AGBL4: variants seen among roughly 807,000 people sequenced by gnomAD.
The protein encoded by AGBL4 is cytosolic carboxypeptidase 6.
Under a neutral mutation model 66.4 loss-of-function variants are expected in AGBL4, and 58 were observed. The ratio of observed to expected loss-of-function variants is 0.87; its 90% CI spans 0.71 to 1.09. The LOEUF (loss-of-function observed/expected upper bound fraction) is 1.09. AGBL4 is among the 50% of genes least tolerant of loss of function. The pLI, the probability that AGBL4 is intolerant of heterozygous loss-of-function variation, is 0.00. For missense variants in AGBL4, 579 were observed against 631.0 expected, an observed-to-expected ratio of 0.92 and a Z score of 0.88; for synonymous variants, 234 against 222.9, an observed-to-expected ratio of 1.05 and a Z score of -0.44.
intron 6 of AGBL4, among the ~76,000 whole-genome samples, chr1:48,814,945 G>A (rs1646140230): frequency 1.3e-5 from 2 of 152,104 alleles, no homozygotes; most frequent in Admixed American, 1.3e-4. Context: ...TCATGTAGTA[G>A]CTCTATTTGT....
chr1:48,830,181 G>A (rs925619883), intron 6 of AGBL4, among the ~76,000 whole-genome samples: 9 of 152,116 alleles, frequency 5.9e-5, no homozygotes, highest in African/African-American at 1.4e-4. Flanking sequence ...TTTTTGCTGC[G>A]CCTCAGTCGT....
intron 1 of AGBL4, among the ~76,000 whole-genome samples, chr1:49,894,009 G>C (rs1296166270): frequency 6.6e-6 from 1 of 152,192 alleles, no homozygotes; most frequent in Non-Finnish European, 1.5e-5. Context: ...CCCAGCACCA[G>C]ATGGCACAGC....
At chr1:49,703,663 A>G (rs1007209845) in intron 2 of AGBL4, among the ~76,000 whole-genome samples, 9 of 152,042 alleles carry the variant, frequency 5.9e-5, no homozygotes, top group African/African-American at 2.2e-4. Context: ...TCCGAGATCA[A>G]GCATGTAGGG....
chr1:48,699,247 G>A (rs1350691224), intron 6 of AGBL4, among the ~76,000 whole-genome samples: 1 of 152,172 alleles, frequency 6.6e-6, no homozygotes, highest in Admixed American at 6.5e-5. Context: ...GTGGTCTTAG[G>A]CATGATACAG....
chr1:49,671,993 C>A (rs907950147), intron 3 of AGBL4, among the ~76,000 whole-genome samples: 1 of 151,850 alleles, frequency 6.6e-6, no homozygotes, highest in African/African-American at 2.4e-5. Flanking sequence ...GGGTACACAC[C>A]CAGAGGAATA....
At chr1:49,398,641 G>A (rs1278036980) in intron 3 of AGBL4, among the ~76,000 whole-genome samples, 1 of 152,068 alleles carries the variant, frequency 6.6e-6, no homozygotes, top group Non-Finnish European at 1.5e-5. Context: ...AGTAAATAGT[G>A]CAACTTGCCA....
chr1:49,697,193 T>C, intron 3 of AGBL4, 120 bp downstream of exon 3: 1 of 1,169,542 alleles, frequency 8.6e-7, no homozygotes, highest in Non-Finnish European at 1.2e-6. Flanking sequence ...AACTGTATCA[T>C]TGCTGTGGAT....
intron 2 of AGBL4, among the ~76,000 whole-genome samples, chr1:49,815,014 T>G (rs1252436830): frequency 6.6e-6 from 1 of 152,184 alleles, no homozygotes; most frequent in Non-Finnish European, 1.5e-5. Flanking sequence ...TATCCCTTGT[T>G]ACAAACAATC....
At chr1:49,670,381 A>C (rs1445843578) in intron 3 of AGBL4, among the ~76,000 whole-genome samples, 1 of 152,200 alleles carries the variant, frequency 6.6e-6, no homozygotes, top group East Asian at 1.9e-4. Context: ...TGATTCTGTA[A>C]GCTTTTTAAG....
At chr1:49,721,387 C>T (rs578025966) in intron 2 of AGBL4, among the ~76,000 whole-genome samples, 2 of 152,178 alleles carry the variant, frequency 1.3e-5, no homozygotes, top group East Asian at 1.9e-4. Flanking sequence ...CTGTGAAGGT[C>T]GAAGGCTTCA....
chr1:49,439,963 G>A (rs1357376880), intron 3 of AGBL4, among the ~76,000 whole-genome samples: 1 of 152,020 alleles, frequency 6.6e-6, no homozygotes. Flanking sequence ...TACCAAGAGT[G>A]GTTCTAGAGG....
At chr1:48,972,783 G>A (rs528657170) in intron 5 of AGBL4, among the ~76,000 whole-genome samples, 1 of 152,042 alleles carries the variant, frequency 6.6e-6, no homozygotes, top group Non-Finnish European at 1.5e-5. Context: ...TATTATTTTT[G>A]AAACCAAAGC....
chr1:49,970,104 G>A (rs1657926781), intron 1 of AGBL4, among the ~76,000 whole-genome samples: 1 of 152,098 alleles, frequency 6.6e-6, no homozygotes, highest in South Asian at 2.1e-4. Context: ...TAATCCAAAA[G>A]TGGAGTAAAG....
chr1:49,542,619 C>T (rs576749568), intron 3 of AGBL4, among the ~76,000 whole-genome samples: 13 of 152,154 alleles, frequency 8.5e-5, no homozygotes, highest in East Asian at 3.9e-4. Flanking sequence ...CTAACTTGTC[C>T]GGGTGTGGTG....
intron 3 of AGBL4, among the ~76,000 whole-genome samples, chr1:49,289,954 G>A (rs1345528252): frequency 6.6e-6 from 1 of 151,960 alleles, no homozygotes; most frequent in Non-Finnish European, 1.5e-5. Context: ...ACCCTAGAAG[G>A]CAGTTTAATA....
intron 5 of AGBL4, among the ~76,000 whole-genome samples, chr1:48,974,663 C>T (rs1553133177): frequency 6.6e-6 from 1 of 151,998 alleles, no homozygotes; most frequent in Non-Finnish European, 1.5e-5. Context: ...ACCTATTTGG[C>T]GAGTGAAGTA....
chr1:48,531,756 TTATGTATG>T (rs56107028), downstream of AGBL4, among the ~76,000 whole-genome samples: 4 of 150,550 alleles, frequency 2.7e-5, no homozygotes, highest in African/African-American at 9.8e-5. Flanking sequence ...CTCCCTCTTA[TTATGTATG>T]TATGTATGTA....
intron 3 of AGBL4, among the ~76,000 whole-genome samples, chr1:49,558,260 G>A (rs1170424918): frequency 6.6e-6 from 1 of 152,070 alleles, no homozygotes; most frequent in African/African-American, 2.4e-5. Context: ...AAATAAAGGG[G>A]ACTTTGCCTT....
At position 49,903,341 on chromosome 1, in the gene AGBL4, G is replaced by A. The variant is rs144292757; in HGVS notation, c.35-51823C>T. 7.9e-5 allele frequency among the ~76,000 whole-genome samples: 12 copies of A among 152,190 alleles called. No homozygotes were observed. In the East Asian group the frequency reaches 2.3e-3, roughly 29 times the overall value. ...ATAAAGAGGAGAACAATAGACACCA[G>A]AGCCCACTTGAGGGTGGAGGGTAGG... On this transcript the variant is annotated intron_variant, in intron 1 of 13. Coordinates refer to ENST00000371839, the MANE Select transcript of AGBL4 (RefSeq NM_032785.4).
Sources: gnomAD v4.1 joint callset for allele counts (sites outside exome capture counted in the v4.1 genomes callset) on GRCh38, gnomAD v4.1.1 for gene constraint, MANE v1.5 for transcripts, NCBI Gene and HGNC (gene_info 2026-07-23, HGNC 2026-07-21) for gene names.